RALGPS1: variants seen among roughly 807,000 people sequenced by gnomAD.
The protein encoded by RALGPS1 is ras-specific guanine nucleotide-releasing factor RalGPS1.
RALGPS1 carries 19 observed loss-of-function variants against 78.8 expected under a neutral mutation model. The observed-to-expected ratio is 0.24, with a 90% CI of 0.17 to 0.35. The LOEUF (loss-of-function observed/expected upper bound fraction) is 0.35. Ranked by LOEUF, RALGPS1 falls within the 10% of genes least tolerant of loss-of-function variation. The pLI, the probability that RALGPS1 is intolerant of heterozygous loss-of-function variation, is 1.00. For synonymous variants in RALGPS1, 228 were observed against 256.3 expected (o/e 0.89, Z 1.06); for missense variants, 454 against 688.3 (o/e 0.66, Z 3.81).
At chr9:126,948,145 G>T (rs750459915) in intron 1 of RALGPS1, among the ~76,000 whole-genome samples, 36 of 152,192 alleles carry the variant, frequency 2.4e-4, no homozygotes, top group Non-Finnish European at 5.1e-4. Flanking sequence ...GCTTTGGGGA[G>T]AGCAGACTTG....
chr9:127,008,952 G>C (rs1236223240), intron 4 of RALGPS1, among the ~76,000 whole-genome samples: 1 of 152,106 alleles, frequency 6.6e-6, no homozygotes, highest in Non-Finnish European at 1.5e-5. Context: ...GTATGTTCTT[G>C]AATCTTGAAT....
At chr9:127,163,484 A>G (rs1424791910) in intron 8 of RALGPS1, among the ~76,000 whole-genome samples, 1 of 152,212 alleles carries the variant, frequency 6.6e-6, no homozygotes, top group East Asian at 1.9e-4. Context: ...GGAAGAAAGG[A>G]AGTGGAAATG....
chr9:127,169,949 A>C (rs961348737), intron 10 of RALGPS1, among the ~76,000 whole-genome samples: 1 of 152,174 alleles, frequency 6.6e-6, no homozygotes, highest in East Asian at 1.9e-4. Context: ...TCAACTTATG[A>C]TGGGTTTATT....
chr9:127,034,379 T>C, intron 4 of RALGPS1, 52 bp from the exon 5 acceptor site: 1 of 1,504,046 alleles, frequency 6.6e-7, no homozygotes, highest in Non-Finnish European at 9.3e-7. Context: ...GCCCCTGGTG[T>C]ATTTTGCATC....
At chr9:127,021,948 G>A (rs2045498057) in intron 4 of RALGPS1, among the ~76,000 whole-genome samples, 1 of 152,000 alleles carries the variant, frequency 6.6e-6, no homozygotes, top group Non-Finnish European at 1.5e-5. Context: ...GGAAGGTTTT[G>A]GGAAATTTGC....
chr9:127,174,864 C>T (rs2059765762), intron 11 of RALGPS1, 82 bp downstream of exon 11: 1 of 1,285,906 alleles, frequency 7.8e-7, no homozygotes, highest in Non-Finnish European at 1.1e-6. Context: ...CCGGGGAGGC[C>T]AAGGGCAAAT....
At chr9:127,058,277 A>G (rs912834745) in intron 7 of RALGPS1, among the ~76,000 whole-genome samples, 13 of 152,084 alleles carry the variant, frequency 8.5e-5, no homozygotes, top group African/African-American at 2.7e-4. Context: ...GAGGAGTTAG[A>G]TTCTATTCCA....
intron 5 of RALGPS1, among the ~76,000 whole-genome samples, chr9:127,046,059 A>T (rs758603308): frequency 6.6e-5 from 10 of 152,234 alleles, no homozygotes; most frequent in Non-Finnish European, 1.5e-4. Context: ...TGTCAAAGGG[A>T]TGCAGGAGCC....
intron 4 of RALGPS1, among the ~76,000 whole-genome samples, chr9:127,028,550 T>C (rs760868100): frequency 5.9e-5 from 9 of 152,198 alleles, no homozygotes; most frequent in African/African-American, 1.2e-4. Flanking sequence ...CCTGGCACCA[T>C]TGGAGTCCTA....
intron 3 of RALGPS1, among the ~76,000 whole-genome samples, chr9:126,966,255 ACGCCTATAATCC>A: frequency 6.6e-6 from 1 of 152,206 alleles, no homozygotes; most frequent in Admixed American, 6.5e-5. Flanking sequence ...AAGGTGGCTC[ACGCCTATAATCC>A]CAGTGCTGTG....
chr9:126,954,622 AC>A (rs1304146586), intron 1 of RALGPS1, among the ~76,000 whole-genome samples: 1 of 152,060 alleles, frequency 6.6e-6, no homozygotes. Flanking sequence ...CCCCATCTCT[AC>A]TAAAAATACA....
At chr9:126,917,024 G>A (rs2034240701) in intron 1 of RALGPS1, among the ~76,000 whole-genome samples, 1 of 152,162 alleles carries the variant, frequency 6.6e-6, no homozygotes, top group Admixed American at 6.5e-5. Flanking sequence ...GAAGGTAGGT[G>A]GAGCCTTCTC....
At chr9:127,176,848 C>A (rs1319486987) in intron 11 of RALGPS1, among the ~76,000 whole-genome samples, 1 of 152,172 alleles carries the variant, frequency 6.6e-6, no homozygotes, top group African/African-American at 2.4e-5. Context: ...TCTGCCTTTC[C>A]CTAGTGGCTC....
At chr9:126,997,782 A>G (rs1437475545) in intron 4 of RALGPS1, among the ~76,000 whole-genome samples, 1 of 152,246 alleles carries the variant, frequency 6.6e-6, no homozygotes. Flanking sequence ...CTACAAGGCT[A>G]CAGTACCCAA....
At chr9:126,959,762 T>C (rs587363) in intron 1 of RALGPS1, among the ~76,000 whole-genome samples, 30,535 of 152,186 alleles carry the variant, frequency 0.2, 3,799 homozygotes, top group East Asian at 0.44. Context: ...CATTTTAACC[T>C]AAGTTTTAAA....
intron 8 of RALGPS1, among the ~76,000 whole-genome samples, chr9:127,147,518 A>C (rs2058162884): frequency 6.6e-6 from 1 of 152,200 alleles, no homozygotes; most frequent in Non-Finnish European, 1.5e-5. Context: ...AAGGTCTTAC[A>C]TTTAAATATT....
At chr9:127,032,664 C>T (rs1367065366) in intron 4 of RALGPS1, among the ~76,000 whole-genome samples, 1 of 152,136 alleles carries the variant, frequency 6.6e-6, no homozygotes, top group Non-Finnish European at 1.5e-5. Context: ...GGAGATAGTA[C>T]ATGTAACTGA....
At position 127,121,171 on chromosome 9, in the gene RALGPS1, T is replaced by A. The variant is rs188807359; in HGVS notation, c.611-44898T>A. Among the ~76,000 whole-genome samples, 601 of 152,338 alleles carry A rather than the reference T, an allele frequency of 3.9e-3. 1 individual carries two copies. The highest frequency in any genetic ancestry group is 6.7e-3 in the Non-Finnish European group (454 of 68,038). On this transcript the variant is annotated intron_variant, in intron 8 of 18. Transcript: ENST00000259351. ...GGGTGGTCATGAGGATTCTACAAGT[T>A]GAGTCTGGCATAGAGTAAGTGCAAT... is the stretch of plus-strand genomic sequence containing the variant.
chr9:127,222,832 G>A lies in RALGPS1; in HGVS notation c.*4063G>A, dbSNP rs1588637542. 1 of 152,632 alleles carries A rather than the reference G, an allele frequency of 6.6e-6. No homozygotes were observed. Among genetic ancestry groups the A allele is most frequent in the African/African-American group, 2.4e-5 (1 of 41,456 alleles). 9.5% of individuals were successfully genotyped at this position (152,632 alleles called of 1,614,324 possible). ...TTCAATTTCTTATGTACTCTTCGAA[G>A]TAAGTTGAAAATCAGTTTCTACATT... On this transcript the variant is annotated 3_prime_UTR_variant, in exon 19 of 19. Coordinates refer to ENST00000259351, the MANE Select transcript of RALGPS1 (RefSeq NM_014636.3).
Sources: gnomAD v4.1 joint callset for allele counts (sites outside exome capture counted in the v4.1 genomes callset) on GRCh38, gnomAD v4.1.1 for gene constraint, MANE v1.5 for transcripts, NCBI Gene and HGNC (gene_info 2026-07-23, HGNC 2026-07-21) for gene names.